The following SHANK2 variants were observed in gnomAD, a reference collection of about 807,000 sequenced individuals.
The protein encoded by SHANK2 is SH3 and multiple ankyrin repeat domains 2, also known as SH3 and multiple ankyrin repeat domains protein 2.
SHANK2 carries 43 observed loss-of-function variants against 133.7 expected under a neutral mutation model. The observed-to-expected ratio is 0.32, with a 90% CI of 0.25 to 0.41. The LOEUF (loss-of-function observed/expected upper bound fraction) is 0.41, where lower values mean the gene tolerates loss of function less well. SHANK2 is among the 10% of genes least tolerant of loss of function. The pLI, the probability that SHANK2 is intolerant of heterozygous loss-of-function variation, is 1.00. For missense variants in SHANK2, 1,994 were observed against 2,235.8 expected (o/e 0.89, Z 2.18); for synonymous variants, 1,017 against 952.8 (o/e 1.07, Z -1.24).
intron 11 of SHANK2, among the ~76,000 whole-genome samples, chr11:70,857,518 G>A (rs1949190366): frequency 6.6e-6 from 1 of 152,136 alleles, no homozygotes. Flanking sequence ...TTTTCCTCAA[G>A]TGGCCTCACT....
chr11:70,658,248 C>CACAG (rs2061433778), intron 17 of SHANK2, among the ~76,000 whole-genome samples: 2 of 117,856 alleles, frequency 1.7e-5, no homozygotes, highest in African/African-American at 9.6e-5. Flanking sequence ...CACACACAGA[C>CACAG]ACACACACAC....
At chr11:71,113,692 A>G (rs1233410475) in intron 4 of SHANK2, among the ~76,000 whole-genome samples, 2 of 152,236 alleles carry the variant, frequency 1.3e-5, no homozygotes, top group Admixed American at 6.5e-5. Flanking sequence ...GGTTCCTCCC[A>G]GGGGAATGGA....
intron 11 of SHANK2, among the ~76,000 whole-genome samples, chr11:70,853,279 C>G (rs1336370412): frequency 6.6e-6 from 1 of 152,238 alleles, no homozygotes; most frequent in Non-Finnish European, 1.5e-5. Flanking sequence ...CTGGACCAGG[C>G]GTCCCGGCGC....
At chr11:70,783,053 C>CT (rs1565312744) in intron 14 of SHANK2, among the ~76,000 whole-genome samples, 1 of 152,156 alleles carries the variant, frequency 6.6e-6, no homozygotes, top group East Asian at 1.9e-4. Context: ...GCACAGTGCT[C>CT]TTCTCTGTCT....
chr11:70,726,388 C>T (rs1555030685), intron 14 of SHANK2, among the ~76,000 whole-genome samples: 2 of 137,442 alleles, frequency 1.5e-5, no homozygotes, highest in East Asian at 2.4e-4. Flanking sequence ...TCACCAATGC[C>T]TTATGGAGCT....
At chr11:70,728,381 C>T (rs1417306362) in intron 14 of SHANK2, among the ~76,000 whole-genome samples, 2 of 152,286 alleles carry the variant, frequency 1.3e-5, no homozygotes, top group East Asian at 1.9e-4. Context: ...TGGTCACACT[C>T]GGTTTACTTG....
In SHANK2 at chr11:70,468,988, A is replaced by G. The variant is rs1275645230; in HGVS notation, c.*3881T>C. ...TTAGCATGTGGTTTGCTTGTCAACC[A>G]GAGAGGCGGCCCAGTTCTGCCACTC... On this transcript the variant is annotated 3_prime_UTR_variant, in exon 26 of 26. Transcript: ENST00000601538. 2 of 152,278 alleles carry G rather than the reference A, an allele frequency of 1.3e-5. No individual in the cohort carries two copies. Among genetic ancestry groups the G allele is most frequent in the African/African-American group, 2.4e-5 (1 of 41,466 alleles). The allele number at this position is 152,278 out of a possible 1,614,324, so 9.4% of individuals were successfully genotyped here.
chr11:70,620,867 A>G (rs1475929140), intron 17 of SHANK2, among the ~76,000 whole-genome samples: 3 of 152,236 alleles, frequency 2.0e-5, no homozygotes, highest in Non-Finnish European at 4.4e-5. Flanking sequence ...ACCAGGAACC[A>G]AATTGCTGGC....
chr11:71,195,202 T>C (rs1343180640), intron 2 of SHANK2, among the ~76,000 whole-genome samples: 1 of 151,886 alleles, frequency 6.6e-6, no homozygotes, highest in African/African-American at 2.4e-5. Context: ...ACCATCCTGG[T>C]TAACACAGTG....
chr11:70,776,506 G>T (rs941094173), intron 14 of SHANK2, among the ~76,000 whole-genome samples: 2 of 152,136 alleles, frequency 1.3e-5, no homozygotes, highest in African/African-American at 4.8e-5. Context: ...CCTCATGCAC[G>T]CCTCACTGCC....
chr11:70,942,657 G>A (rs1488304175), intron 10 of SHANK2: 2 of 456,908 alleles, frequency 4.4e-6, no homozygotes, highest in Non-Finnish European at 4.4e-6. Context: ...AGATGAACTT[G>A]AGGATTTACA....
intron 17 of SHANK2, among the ~76,000 whole-genome samples, chr11:70,533,759 AC>A (rs1436456906): frequency 3.3e-5 from 5 of 151,138 alleles, no homozygotes; most frequent in Non-Finnish European, 7.4e-5. Context: ...CTACAAGGAA[AC>A]CCCCTACCCA....
intron 21 of SHANK2, among the ~76,000 whole-genome samples, chr11:70,497,601 T>A (rs2058990232): frequency 6.6e-6 from 1 of 150,764 alleles, no homozygotes; most frequent in Non-Finnish European, 1.5e-5. Flanking sequence ...GGAGGGGAGG[T>A]AGGTTTGTCA....
intron 17 of SHANK2, among the ~76,000 whole-genome samples, chr11:70,608,531 A>G (rs942102579): frequency 6.6e-6 from 1 of 152,180 alleles, no homozygotes; most frequent in African/African-American, 2.4e-5. Context: ...CTTCATCTGT[A>G]AAATGGGGTC....
chr11:70,767,596 T>C (rs1947149299), intron 14 of SHANK2, among the ~76,000 whole-genome samples: 1 of 151,912 alleles, frequency 6.6e-6, no homozygotes, highest in South Asian at 2.1e-4. Context: ...GAGTGAAGGA[T>C]GCCAGTCACA....
chr11:70,475,481 C>A (rs1330108787), intron 25 of SHANK2, among the ~76,000 whole-genome samples: 1 of 152,160 alleles, frequency 6.6e-6, no homozygotes, highest in East Asian at 1.9e-4. Context: ...TTTCTTTTCT[C>A]TTTCTTTACC....
chr11:70,939,800 C>A (rs1950620185), intron 10 of SHANK2, among the ~76,000 whole-genome samples: 1 of 152,192 alleles, frequency 6.6e-6, no homozygotes, highest in Non-Finnish European at 1.5e-5. Flanking sequence ...AGTCCCAATC[C>A]CTGGAGCCCA....
Position 71,232,546 on chromosome 11 carries a change from CT to C in SHANK2, c.-112-7751del, listed in dbSNP as rs141616071. The stretch of plus-strand genomic sequence containing the variant: ...TTCTCCTCCTCCTCCTCTTTCCCCC[CT>C]CCTCTCCTCCTCCTCCTCCTCCTCT... On this transcript the variant is annotated intron_variant, in intron 1 of 25. Coordinates refer to ENST00000601538, the MANE Select transcript of SHANK2 (RefSeq NM_012309.5). 9.9e-4 allele frequency among the ~76,000 whole-genome samples: 151 copies of C among 151,994 alleles called. 2 individuals carry two copies. In the East Asian group the frequency reaches 0.027, roughly 27 times the overall value.
chr11:71,087,904 C>T (rs1439781587), intron 8 of SHANK2, among the ~76,000 whole-genome samples: 2 of 152,190 alleles, frequency 1.3e-5, no homozygotes, highest in Non-Finnish European at 2.9e-5. Flanking sequence ...GCTGGGATTA[C>T]AGGCGTGAGC....
Sources: allele counts gnomAD v4.1 joint callset (sites outside exome capture counted in the v4.1 genomes callset), GRCh38; gene constraint gnomAD v4.1.1; transcripts MANE v1.5; gene names NCBI Gene and HGNC (gene_info 2026-07-23, HGNC 2026-07-21).